Variants in GALNT17 observed in about 807,000 individuals in gnomAD.
The protein encoded by GALNT17 is polypeptide N-acetylgalactosaminyltransferase 17.
GALNT17 carries 29 observed loss-of-function variants against 63.7 expected under a neutral mutation model. The ratio of observed to expected loss-of-function variants is 0.46; its 90% CI spans 0.34 to 0.62. The LOEUF (loss-of-function observed/expected upper bound fraction) is 0.62, where lower values mean the gene tolerates loss of function less well. GALNT17 is among the 20% of genes least tolerant of loss of function. GALNT17 has a pLI of 0.01. For missense variants in GALNT17, 603 were observed against 799.6 expected (o/e 0.75, Z 2.97); for synonymous variants, 305 against 318.3 (o/e 0.96, Z 0.45).
chr7:71,478,428 C>CT (rs1257656001), intron 5 of GALNT17, among the ~76,000 whole-genome samples: 1 of 152,140 alleles, frequency 6.6e-6, no homozygotes, highest in Non-Finnish European at 1.5e-5. Context: ...ATCCTCCCCC[C>CT]TCAGCCTCCC....
chr7:71,590,603 A>T (rs1291595052), intron 6 of GALNT17, among the ~76,000 whole-genome samples: 1 of 151,982 alleles, frequency 6.6e-6, no homozygotes, highest in Non-Finnish European at 1.5e-5. Flanking sequence ...GCTTGTTGTC[A>T]TTTTCTACTA....
At chr7:71,248,475 G>C (rs1274559000) in intron 1 of GALNT17, among the ~76,000 whole-genome samples, 1 of 152,102 alleles carries the variant, frequency 6.6e-6, no homozygotes, top group Non-Finnish European at 1.5e-5. Context: ...ACTGTACTGC[G>C]ACTTATATAT....
At chr7:71,477,947 A>G (rs1226244807) in intron 5 of GALNT17, among the ~76,000 whole-genome samples, 1 of 152,142 alleles carries the variant, frequency 6.6e-6, no homozygotes, top group Non-Finnish European at 1.5e-5. Context: ...ACAGGATACA[A>G]TAAAAAGAGT....
At position 71,305,994 on chromosome 7, in the gene GALNT17, G is replaced by A. The variant is rs146073740; in HGVS notation, c.239-29556G>A. Among the ~76,000 whole-genome samples, 84 of 152,286 alleles carry A rather than the reference G, an allele frequency of 5.5e-4. 1 individual carries two copies. The East Asian group carries it at 0.015, about 26-fold the overall frequency. On this transcript the variant is annotated intron_variant, in intron 1 of 10. Coordinates refer to ENST00000333538, the MANE Select transcript of GALNT17 (RefSeq NM_022479.3). ...AGCACTTTGGGAGGCTGAGGCAGGC[G>A]GATCACTTGAGGTCAGGGGCTCGAG... is the stretch of plus-strand genomic sequence containing the variant.
intron 3 of GALNT17, among the ~76,000 whole-genome samples, chr7:71,414,195 C>G (rs552595143): frequency 6.6e-6 from 1 of 152,046 alleles, no homozygotes; most frequent in Non-Finnish European, 1.5e-5. Flanking sequence ...GAGCTGAGAT[C>G]GCGCCACTGC....
chr7:71,226,555 G>C (rs1400721470), intron 1 of GALNT17, among the ~76,000 whole-genome samples: 1 of 152,118 alleles, frequency 6.6e-6, no homozygotes, highest in African/African-American at 2.4e-5. Context: ...GCAGTGGCAT[G>C]ATCAACCTCT....
intron 1 of GALNT17, among the ~76,000 whole-genome samples, chr7:71,235,073 A>G (rs1023081045): frequency 2.0e-5 from 3 of 152,118 alleles, no homozygotes; most frequent in African/African-American, 4.8e-5. Context: ...CAACACAGTG[A>G]AACTCTGTCT....
chr7:71,523,094 C>T (rs938384150), intron 5 of GALNT17, among the ~76,000 whole-genome samples: 3 of 152,052 alleles, frequency 2.0e-5, no homozygotes, highest in Non-Finnish European at 2.9e-5. Flanking sequence ...ACCTGTAGTC[C>T]CACACAATTC....
rs1460201210 is a variant in GALNT17, at chr7:71,132,581, C to A, written c.-222C>A. 3 of 551,244 alleles carry A rather than the reference C, an allele frequency of 5.4e-6. No homozygotes were observed. Among genetic ancestry groups the A allele is most frequent in the African/African-American group, 2.0e-5 (1 of 50,018 alleles). The allele number at this position is 551,244 out of a possible 1,614,324, so 34.1% of individuals were successfully genotyped here. On this transcript the variant is annotated 5_prime_UTR_variant, in exon 1 of 11. In the 5' UTR this introduces an upstream ATG that the reference lacks. Coordinates refer to ENST00000333538, the MANE Select transcript of GALNT17 (RefSeq NM_022479.3). Reference sequence around the variant, plus strand: ...TGAGCAGGCGTCTCGGGGAGCACTTCTGCAGAGCGAGGACTTCCATGTGAG... The same window carrying A: ...TGAGCAGGCGTCTCGGGGAGCACTTATGCAGAGCGAGGACTTCCATGTGAG...
intron 2 of GALNT17, among the ~76,000 whole-genome samples, chr7:71,351,996 GTGTGCCTAGTGATA>G (rs1792197574): frequency 6.6e-6 from 1 of 152,104 alleles, no homozygotes; most frequent in South Asian, 2.1e-4. Context: ...TCCGACTAGG[GTGTGCCTAGTGATA>G]TGTGCCTAGT....
At chr7:71,360,267 C>T (rs1165719888) in intron 2 of GALNT17, among the ~76,000 whole-genome samples, 1 of 152,176 alleles carries the variant, frequency 6.6e-6, no homozygotes, top group Non-Finnish European at 1.5e-5. Flanking sequence ...TTCAAAAATT[C>T]ATTCATCCGA....
chr7:71,622,504 C>T lies in GALNT17; in HGVS notation c.1081-42907C>T, dbSNP rs1790310779. 2.0e-5 allele frequency among the ~76,000 whole-genome samples: 3 copies of T among 152,262 alleles called. No homozygotes were observed. The South Asian group carries it at 6.2e-4, about 32-fold the overall frequency. On this transcript the variant is annotated intron_variant, in intron 6 of 10. Transcript: ENST00000333538. ...TGTCTTCACTCTCACTGGTGTCTCTCTCGGCTTCTGCTGGCTTTAATCTTG... is the reference window on the plus strand; with the variant it reads ...TGTCTTCACTCTCACTGGTGTCTCTTTCGGCTTCTGCTGGCTTTAATCTTG...
At chr7:71,624,245 G>A (rs1019142171) in intron 6 of GALNT17, among the ~76,000 whole-genome samples, 1 of 152,188 alleles carries the variant, frequency 6.6e-6, no homozygotes, top group Non-Finnish European at 1.5e-5. Flanking sequence ...GCTGTGCAGC[G>A]GCCATTATCT....
intron 1 of GALNT17, among the ~76,000 whole-genome samples, chr7:71,195,413 A>C (rs1789029647): frequency 6.9e-6 from 1 of 144,076 alleles, no homozygotes; most frequent in South Asian, 2.2e-4. Flanking sequence ...ATGGGGTCTC[A>C]CTTGTTCACC....
At chr7:71,367,092 A>G (rs2116256305) in intron 2 of GALNT17, among the ~76,000 whole-genome samples, 1 of 152,316 alleles carries the variant, frequency 6.6e-6, no homozygotes, top group East Asian at 1.9e-4. Context: ...ATTCATGACT[A>G]TTTAATTGTC....
rs143699312 is a variant in GALNT17, at chr7:71,175,865, C to T, written c.238+42825C>T. ...GCAATGAGCCATGTTTGTGCCACTA[C>T]CCTCCAGCCTGGACAACAGAGTGAG... is the stretch of plus-strand genomic sequence containing the variant. On this transcript the variant is annotated intron_variant, in intron 1 of 10. Transcript: ENST00000333538. Among the ~76,000 whole-genome samples the T allele has an allele frequency of 7.9e-3, 1,201 of 152,232 alleles. 18 individuals are homozygous for T. Among genetic ancestry groups the T allele is most frequent in the African/African-American group, 0.026 (1,088 of 41,546 alleles).
chr7:71,386,289 A>T (rs73360155), intron 2 of GALNT17, among the ~76,000 whole-genome samples: 1 of 152,184 alleles, frequency 6.6e-6, no homozygotes, highest in African/African-American at 2.4e-5. Context: ...GCTGCTCAGC[A>T]TAAGAAACAG....
intron 6 of GALNT17, among the ~76,000 whole-genome samples, chr7:71,578,461 G>A (rs1789575301): frequency 1.3e-5 from 2 of 152,118 alleles, no homozygotes; most frequent in Non-Finnish European, 2.9e-5. Context: ...AGCCTCCCAA[G>A]TAGGTGGGAC....
intron 5 of GALNT17, among the ~76,000 whole-genome samples, chr7:71,543,983 G>T (rs867904128): frequency 3.3e-5 from 5 of 151,792 alleles, no homozygotes; most frequent in Middle Eastern, 3.4e-3. Context: ...GGTAGAGACG[G>T]AGTTTCACCA....
Sources: allele counts gnomAD v4.1 joint callset (sites outside exome capture counted in the v4.1 genomes callset), GRCh38; gene constraint gnomAD v4.1.1; transcripts MANE v1.5; gene names NCBI Gene and HGNC (gene_info 2026-07-23, HGNC 2026-07-21).